The following CLTCL1 variants were observed in gnomAD, a reference collection of about 807,000 sequenced individuals.
The protein encoded by CLTCL1 is clathrin heavy chain like 1, also known as clathrin heavy chain 2.
A neutral mutation model predicts 190.0 loss-of-function variants in CLTCL1; 159 were observed. That is an observed-to-expected ratio of 0.84 (90% CI 0.74 to 0.95). The LOEUF (loss-of-function observed/expected upper bound fraction) is 0.95. Among genes scored for constraint, CLTCL1 ranks in the 40% least tolerant of loss-of-function variants. The pLI, the probability that CLTCL1 is intolerant of heterozygous loss-of-function variation, is 0.00. For synonymous variants in CLTCL1, 752 were observed against 769.6 expected (o/e 0.98, Z 0.38); for missense variants, 1,878 against 2,033.4 (o/e 0.92, Z 1.47).
chr22:19,201,264 C>T (rs2239391), intron 23 of CLTCL1, 65 bp downstream of exon 23: 80,360 of 1,518,378 alleles, frequency 0.053, 2,943 homozygotes, highest in East Asian at 0.15. Flanking sequence ...CCGAGCAGAA[C>T]GCAAAGGACA....
At chr22:19,257,171 C>T (rs1409608983) in intron 2 of CLTCL1, among the ~76,000 whole-genome samples, 2 of 152,178 alleles carry the variant, frequency 1.3e-5, no homozygotes, top group Non-Finnish European at 2.9e-5. Flanking sequence ...GTTGGATGAT[C>T]TCACACTTCC....
chr22:19,260,368 G>A (rs1305956482), intron 2 of CLTCL1, among the ~76,000 whole-genome samples: 1 of 152,160 alleles, frequency 6.6e-6, no homozygotes, highest in Admixed American at 6.5e-5. Flanking sequence ...TCAATGCCTG[G>A]CTTCAAAGCT....
chr22:19,184,226 G>T, intron 29 of CLTCL1: 1 of 318,932 alleles, frequency 3.1e-6, no homozygotes, highest in East Asian at 8.6e-5. Context: ...TATGGCAGGG[G>T]CTATTAGTAC....
At chr22:19,274,418 T>C (rs1331905095) in intron 2 of CLTCL1, among the ~76,000 whole-genome samples, 3 of 152,210 alleles carry the variant, frequency 2.0e-5, no homozygotes, top group African/African-American at 4.8e-5. Context: ...GATAAAAGCA[T>C]CATTAATATC....
At chr22:19,244,912 C>T (rs1229795077) in intron 3 of CLTCL1, among the ~76,000 whole-genome samples, 2 of 152,128 alleles carry the variant, frequency 1.3e-5, no homozygotes, top group Non-Finnish European at 2.9e-5. Flanking sequence ...GACACAGGTC[C>T]TTCTCTCAAG....
intron 32 of CLTCL1, 98 bp downstream of exon 32, chr22:19,180,101 G>GC (rs2084078616): frequency 6.6e-6 from 7 of 1,063,470 alleles, no homozygotes; most frequent in Admixed American, 3.8e-5. Flanking sequence ...AGACGCTGAG[G>GC]CCCCAAGAGA....
chr22:19,218,262 A>G (rs1372693509), intron 18 of CLTCL1, among the ~76,000 whole-genome samples: 1 of 152,238 alleles, frequency 6.6e-6, no homozygotes, highest in Non-Finnish European at 1.5e-5. Flanking sequence ...AAGGTGTACC[A>G]GGTGGCTGGA....
chr22:19,273,246 C>T (rs2087383085), intron 2 of CLTCL1, among the ~76,000 whole-genome samples: 1 of 152,122 alleles, frequency 6.6e-6, no homozygotes, highest in Non-Finnish European at 1.5e-5. Context: ...CTCCACTTGT[C>T]AACGATTTGT....
At chr22:19,220,762 T>C (rs1389715395) in intron 17 of CLTCL1, among the ~76,000 whole-genome samples, 1 of 152,200 alleles carries the variant, frequency 6.6e-6, no homozygotes, top group Non-Finnish European at 1.5e-5. Context: ...AGGTGCCCTA[T>C]TCATGTCTGG....
At chr22:19,197,427 C>T (rs910248070) in intron 24 of CLTCL1, among the ~76,000 whole-genome samples, 3 of 152,172 alleles carry the variant, frequency 2.0e-5, no homozygotes, top group Admixed American at 2.0e-4. Context: ...CCTGCAGCTC[C>T]ATCCCACCTG....
rs782559579 is a variant in CLTCL1 at position 19,235,713 on chromosome 22, C to T, written c.952G>A (p.Val318Ile). 19 of 1,611,448 alleles carry T rather than the reference C, an allele frequency of 1.2e-5. No individual in the cohort carries two copies. The Admixed American group carries it at 2.7e-4, about 23-fold the overall frequency. Reference protein sequence around the residue: ...PHKPTSGIIGVNKKGQVLSVC... With the variant: ...PHKPTSGIIGINKKGQVLSVC... ...TTACACACCTGTCCCTTTTTGTTGACACCAATAATTCCAGAGGTTGGTTTG... is the reference window on the plus strand; with the variant it reads ...TTACACACCTGTCCCTTTTTGTTGATACCAATAATTCCAGAGGTTGGTTTG... Residue 318 changes from valine to isoleucine, a missense_variant, in exon 6 of 33, where the codon GTC (valine) becomes ATC (isoleucine). Coordinates refer to ENST00000427926, the MANE Select transcript of CLTCL1 (RefSeq NM_007098.4).
At chr22:19,187,374 A>C (rs1555928797) in intron 29 of CLTCL1, among the ~76,000 whole-genome samples, 184 bp downstream of exon 29, 1 of 152,120 alleles carries the variant, frequency 6.6e-6, no homozygotes, top group African/African-American at 2.4e-5. Flanking sequence ...GCTCACTCCC[A>C]ATTCTTACTC....
intron 32 of CLTCL1, 64 bp from the exon 33 acceptor site, chr22:19,180,033 G>C (rs1173936023): frequency 4.8e-6 from 3 of 626,308 alleles, no homozygotes; most frequent in Non-Finnish European, 8.5e-6. Context: ...TCTCCTGGCT[G>C]CCCCTGAGTA....
intron 3 of CLTCL1, among the ~76,000 whole-genome samples, chr22:19,246,638 G>A (rs552744125): frequency 1.6e-4 from 24 of 152,036 alleles, no homozygotes; most frequent in African/African-American, 5.3e-4. Flanking sequence ...CACCACACCC[G>A]GCTAATTTTG....
intron 23 of CLTCL1, 26 bp from the exon 24 acceptor site, chr22:19,199,867 G>C (rs565748058): frequency 6.6e-7 from 1 of 1,516,698 alleles, no homozygotes; most frequent in East Asian, 2.4e-5. Context: ...CAAGCGTGAG[G>C]GTCCCCAAGA....
Position 19,221,299 on chromosome 22 carries a change from G to A in CLTCL1, c.2796+78C>T, listed in dbSNP as rs1027275560. On this transcript the variant is annotated intron_variant, in intron 17 of 32. Coordinates refer to ENST00000427926, the MANE Select transcript of CLTCL1 (RefSeq NM_007098.4). ...CCAGGTGCACAGAAAGCCCTGATCAGCTCCCCACAGGCACACCTTTGAAAG... is the reference window on the plus strand; with the variant it reads ...CCAGGTGCACAGAAAGCCCTGATCAACTCCCCACAGGCACACCTTTGAAAG... 6.3e-6 allele frequency: 7 copies of A among 1,111,666 alleles called. No individual in the cohort carries two copies. The South Asian group carries it at 1.1e-4, about 17-fold the overall frequency. The allele number at this position is 1,111,666 out of a possible 1,614,324, so 68.9% of individuals were successfully genotyped here. A position where few individuals can be genotyped will look rare whatever the true frequency, so the allele number is the denominator to read the frequency against.
In CLTCL1 at chr22:19,201,396, T is replaced by C. The variant is rs1555939242; in HGVS notation, c.3698A>G (p.His1233Arg). The change falls in exon 23 of 33, where the codon CAC becomes CGC. Residue 1233 changes from histidine (H) to arginine (R), a missense_variant. By Grantham distance (29) the His-to-Arg change is conservative. Coordinates refer to ENST00000427926, the MANE Select transcript of CLTCL1 (RefSeq NM_007098.4). ...CACTGCTGCCTGATACTCACCGAGGTGAACCAAGGTGGAAGCCAGGCGGGC... is the reference window on the plus strand; with the variant it reads ...CACTGCTGCCTGATACTCACCGAGGCGAACCAAGGTGGAAGCCAGGCGGGC... ...NFARLASTLV[H>R]LGEYQAAVDN... The C allele has an allele frequency of 2.5e-6, 4 of 1,613,746 alleles. No individual in the cohort carries two copies. The highest frequency in any genetic ancestry group is 1.3e-5 in the African/African-American group (1 of 75,040).
At position 19,233,544 on chromosome 22, in the gene CLTCL1, G is replaced by A; in HGVS notation, c.1246C>T (p.Gln416Ter). ...AQSGQASPLL[Q>*]YFGILLDQGQ... is the part of the protein sequence containing the mutation. The stretch of plus-strand genomic sequence containing the variant: ...TGGTCGAGCAGGATTCCGAAGTACT[G>A]CAGCAATGGAGAAGCCTGGCCAGAC... Residue 416 changes from glutamine to a stop codon, truncating the protein, a stop_gained, in exon 8 of 33, where the codon CAG becomes TAG. Transcript: ENST00000427926. LOFTEE classifies it high-confidence loss of function. 1 of 1,613,948 alleles carries A rather than the reference G, an allele frequency of 6.2e-7. No individual in the cohort carries two copies. The highest frequency in any genetic ancestry group is 1.3e-5 in the African/African-American group (1 of 75,058).
intron 2 of CLTCL1, 73 bp downstream of exon 2, chr22:19,275,550 T>C (rs1255184046): frequency 7.0e-7 from 1 of 1,426,748 alleles, no homozygotes; most frequent in Non-Finnish European, 9.7e-7. Context: ...TTAGTGACAC[T>C]TGTTCAATAT....
Sources: allele counts gnomAD v4.1 joint callset (sites outside exome capture counted in the v4.1 genomes callset), GRCh38; gene constraint gnomAD v4.1.1; transcripts MANE v1.5; gene names NCBI Gene and HGNC (gene_info 2026-07-23, HGNC 2026-07-21).